The following SLC14A2 variants were observed in gnomAD, a reference collection of about 807,000 sequenced individuals.
SLC14A2 encodes urea transporter 2.
In SLC14A2, 91 loss-of-function variants were observed where a neutral mutation model predicts 104.6. The observed-to-expected ratio is 0.87, with a 90% confidence interval of 0.73 to 1.04. The LOEUF (loss-of-function observed/expected upper bound fraction) is 1.04, where lower values mean the gene tolerates loss of function less well. Ranked by LOEUF, SLC14A2 falls within the 50% of genes least tolerant of loss-of-function variation. SLC14A2 has a pLI of 0.00. For missense variants in SLC14A2, 1,189 were observed against 1,156.0 expected (o/e 1.03, Z -0.41); for synonymous variants, 476 against 466.4 (o/e 1.02, Z -0.27).
At chr18:45,219,822 G>C (rs976376578) in intron 1 of SLC14A2, among the ~76,000 whole-genome samples, 44 of 152,130 alleles carry the variant, frequency 2.9e-4, no homozygotes, top group African/African-American at 9.2e-4. Flanking sequence ...TTTAGGAAGG[G>C]GAGAATCCCT....
At chr18:45,296,127 G>A (rs889371994) in intron 1 of SLC14A2, among the ~76,000 whole-genome samples, 3 of 152,144 alleles carry the variant, frequency 2.0e-5, no homozygotes, top group Non-Finnish European at 2.9e-5. Flanking sequence ...TTGAGCACCA[G>A]ACATGCAATT....
At chr18:45,482,536 C>T (rs2087514687) in intron 1 of SLC14A2, 1 of 152,216 alleles carries the variant, frequency 6.6e-6, no homozygotes, top group South Asian at 2.1e-4. Flanking sequence ...CTCAAGTTCA[C>T]TCAAGTGATT....
In SLC14A2 at chr18:45,575,869, A is replaced by G. The variant is rs115439680; in HGVS notation, c.-34-48762A>G. The stretch of plus-strand genomic sequence containing the variant: ...ATTTCCTCCTGGTGCCCCTAGAAAT[A>G]TTTCTGAGTAGTTCTCGATGTTTTC... On this transcript the variant is annotated intron_variant, in intron 2 of 20. Coordinates refer to the SLC14A2 transcript ENST00000586448. Among the ~76,000 whole-genome samples, 903 of 146,392 alleles carry G rather than the reference A, an allele frequency of 6.2e-3. 12 individuals are homozygous for G. Among genetic ancestry groups the G allele is most frequent in the African/African-American group, 0.022 (861 of 39,246 alleles).
chr18:45,541,375 G>T (rs1241401445), intron 2 of SLC14A2, among the ~76,000 whole-genome samples: 2 of 152,186 alleles, frequency 1.3e-5, no homozygotes, highest in Non-Finnish European at 2.9e-5. Context: ...TAGCCATCTG[G>T]CCAGCCTAGA....
At chr18:45,564,361 T>C (rs1337193437) in intron 2 of SLC14A2, among the ~76,000 whole-genome samples, 1 of 152,238 alleles carries the variant, frequency 6.6e-6, no homozygotes, top group Non-Finnish European at 1.5e-5. Flanking sequence ...TGCTGGGCTC[T>C]GCAGGACACA....
chr18:45,381,541 T>C (rs2085834976), intron 1 of SLC14A2, among the ~76,000 whole-genome samples: 1 of 152,222 alleles, frequency 6.6e-6, no homozygotes, highest in South Asian at 2.1e-4. Flanking sequence ...TTGAGGACTT[T>C]TACACTTAAG....
At chr18:45,264,767 C>A (rs2084575134) in intron 1 of SLC14A2, among the ~76,000 whole-genome samples, 2 of 152,026 alleles carry the variant, frequency 1.3e-5, no homozygotes, top group African/African-American at 4.8e-5. Flanking sequence ...GGGGTCCGTC[C>A]CATAACACAT....
intron 1 of SLC14A2, among the ~76,000 whole-genome samples, chr18:45,254,615 T>C (rs2084457180): frequency 6.6e-6 from 1 of 152,174 alleles, no homozygotes; most frequent in Admixed American, 6.5e-5. Context: ...TTTTGCTTTT[T>C]CTCTGGGAAG....
intron 2 of SLC14A2, among the ~76,000 whole-genome samples, chr18:45,522,681 C>A (rs1460023310): frequency 6.6e-6 from 1 of 152,166 alleles, no homozygotes; most frequent in East Asian, 1.9e-4. Context: ...TTATTTTAGA[C>A]CACAAATATT....
chr18:45,634,751 G>A (rs865845249), intron 5 of SLC14A2: 1 of 452,092 alleles, frequency 2.2e-6, no homozygotes, highest in South Asian at 1.6e-5. Flanking sequence ...GTGATAGAAA[G>A]CAGTTAGAGA....
intron 10 of SLC14A2, among the ~76,000 whole-genome samples, chr18:45,654,333 C>G (rs1402399443): frequency 6.6e-6 from 1 of 152,128 alleles, no homozygotes; most frequent in South Asian, 2.1e-4. Context: ...TAGGAGAAGT[C>G]ACAGCACCTG....
chr18:45,334,191 G>T (rs187320648), intron 1 of SLC14A2, among the ~76,000 whole-genome samples: 2 of 152,110 alleles, frequency 1.3e-5, no homozygotes, highest in African/African-American at 2.4e-5. Context: ...AAATTTAATC[G>T]CAGTCATTGC....
chr18:45,540,345 C>A (rs973506334), intron 2 of SLC14A2, among the ~76,000 whole-genome samples: 1 of 152,174 alleles, frequency 6.6e-6, no homozygotes, highest in Admixed American at 6.5e-5. Context: ...ATTCCCACCC[C>A]CAGTGCGCGG....
At position 45,666,202 on chromosome 18, in the gene SLC14A2, C is replaced by G; in HGVS notation, c.1540C>G (p.Pro514Ala). 6.2e-7 allele frequency: 1 copy of G among 1,612,832 alleles called. No homozygotes were observed. The highest frequency in any genetic ancestry group is 1.3e-5 in the African/African-American group (1 of 75,024). ...CCCATTTCCCTATCGATACCGGAAG[C>G]CCACAGTCGAGCTGCTTGTGAGTAC... ...KDPFPYRYRK[P>A]TVELLDLDTM... Residue 514 changes from proline to alanine, a missense_variant, in exon 12 of 20, where the codon CCC becomes GCC. Coordinates refer to ENST00000255226, the MANE Select transcript of SLC14A2 (RefSeq NM_007163.4).
chr18:45,198,695 A>G, the SLC14A2 span, among the ~76,000 whole-genome samples: 2 of 151,990 alleles, frequency 1.3e-5, no homozygotes, highest in South Asian at 4.1e-4. Context: ...CTATTGTTTT[A>G]GTGGTTGCCC....
chr18:45,297,610 A>G (rs11659252), intron 1 of SLC14A2, among the ~76,000 whole-genome samples: 55,308 of 152,038 alleles, frequency 0.36, 10,700 homozygotes, highest in African/African-American at 0.51. Flanking sequence ...TCTACAAAAT[A>G]GAAGTAAATA....
the SLC14A2 span, among the ~76,000 whole-genome samples, chr18:45,196,871 G>A: frequency 6.6e-6 from 1 of 152,172 alleles, no homozygotes; most frequent in Non-Finnish European, 1.5e-5. Context: ...ATAACTCACA[G>A]ACCAAGACAA....
In SLC14A2 at chr18:45,639,287, C is replaced by A. The variant is rs117485255; in HGVS notation, c.844-459C>A. On this transcript the variant is annotated intron_variant, in intron 6 of 19. Transcript: ENST00000255226. Reference sequence around the variant, plus strand: ...GAGCTAGGGGTCAAGCTCAGAGCCTCTAGCCTGCACTTGACCAACAACAGG... The same window carrying A: ...GAGCTAGGGGTCAAGCTCAGAGCCTATAGCCTGCACTTGACCAACAACAGG... Among the ~76,000 whole-genome samples the A allele has an allele frequency of 5.9e-3, 906 of 152,330 alleles. 34 individuals carry two copies. The highest frequency in any genetic ancestry group is 0.055 in the East Asian group (285 of 5,178).
intron 15 of SLC14A2, 124 bp from the exon 16 acceptor site, chr18:45,669,182 G>T: frequency 1.3e-6 from 1 of 767,298 alleles, no homozygotes; most frequent in Non-Finnish European, 2.1e-6. Context: ...GGCCAGTCAG[G>T]CTCCAGAGAA....
Sources: allele counts gnomAD v4.1 joint callset (sites outside exome capture counted in the v4.1 genomes callset), GRCh38; gene constraint gnomAD v4.1.1; transcripts MANE v1.5; gene names NCBI Gene and HGNC (gene_info 2026-07-23, HGNC 2026-07-21).